FGD3: variants seen among roughly 807,000 people sequenced by gnomAD.
FGD3 encodes FYVE, RhoGEF and PH domain-containing protein 3.
In FGD3, 45 loss-of-function variants were observed where a neutral mutation model predicts 71.8. That is an observed-to-expected ratio of 0.63 (90% CI 0.49 to 0.80). FGD3 has a LOEUF of 0.80. Ranked by LOEUF, FGD3 falls within the 30% of genes least tolerant of loss-of-function variation. FGD3 has a pLI of 0.00. For missense variants in FGD3, 844 were observed against 951.5 expected, an observed-to-expected ratio of 0.89 and a Z score of 1.49; for synonymous variants, 378 against 392.8, an observed-to-expected ratio of 0.96 and a Z score of 0.44.
At chr9:92,954,483 C>CG (rs1859012590) in intron 1 of FGD3, among the ~76,000 whole-genome samples, 1 of 152,200 alleles carries the variant, frequency 6.6e-6, no homozygotes, top group Admixed American at 6.5e-5. Flanking sequence ...GCTCTGAGTC[C>CG]TGTGCCCGTG....
At chr9:92,997,038 C>CT (rs1860674575) in intron 3 of FGD3, among the ~76,000 whole-genome samples, 3 of 152,090 alleles carry the variant, frequency 2.0e-5, no homozygotes, top group South Asian at 4.2e-4. Context: ...TCCTTGTTAA[C>CT]TTTGTCTTGT....
chr9:92,999,532 C>T (rs962712946), intron 3 of FGD3, among the ~76,000 whole-genome samples: 7 of 151,430 alleles, frequency 4.6e-5, no homozygotes, highest in East Asian at 3.9e-4. Context: ...CCGTCTAATG[C>T]GTCGCTTATG....
Position 93,004,184 on chromosome 9 carries a change from A to G in FGD3, c.680+47A>G, listed in dbSNP as rs777830355. 4 of 1,607,068 alleles carry G rather than the reference A, an allele frequency of 2.5e-6. No homozygotes were observed. The Admixed American group carries it at 5.0e-5, about 20-fold the overall frequency. ...CCATGGGGCCCCTCAAGTGTTCTCT[A>G]GACCAGGGTTCATGTGCCTGAGAGC... On this transcript the variant is annotated intron_variant, in intron 5 of 17. Coordinates refer to ENST00000375482, the MANE Select transcript of FGD3 (RefSeq NM_001083536.2).
chr9:93,019,373 C>T (rs114229119), intron 11 of FGD3, among the ~76,000 whole-genome samples: 1,595 of 152,308 alleles, frequency 0.01, 30 homozygotes, highest in African/African-American at 0.036. Flanking sequence ...ATCACAAATG[C>T]GGCTGCAAGC....
chr9:93,017,886 G>A (rs367997000), intron 10 of FGD3, among the ~76,000 whole-genome samples: 1 of 152,164 alleles, frequency 6.6e-6, no homozygotes, highest in South Asian at 2.1e-4. Flanking sequence ...GGTCAGCAGA[G>A]TTCCAAGCAC....
intron 5 of FGD3, among the ~76,000 whole-genome samples, chr9:93,004,535 C>T (rs1021968666): frequency 1.3e-5 from 2 of 152,194 alleles, no homozygotes; most frequent in African/African-American, 4.8e-5. Context: ...GACCTCAGAT[C>T]CTCCTCCTGC....
chr9:93,001,089 G>A lies in FGD3; in HGVS notation c.454-1836G>A, dbSNP rs543296232. On this transcript the variant is annotated intron_variant, in intron 3 of 17. Transcript: ENST00000375482. ...GTCAAACCCCTCTTAAAAATTTGTC[G>A]GTTCAATTAAAGTGTATTTCAGCTC... 4.0e-5 allele frequency among the ~76,000 whole-genome samples: 6 copies of A among 151,630 alleles called. No homozygotes were observed. The East Asian group carries it at 5.8e-4, about 15-fold the overall frequency.
intron 3 of FGD3, among the ~76,000 whole-genome samples, chr9:92,987,516 A>G (rs891410279): frequency 1.3e-5 from 2 of 151,784 alleles, no homozygotes; most frequent in Non-Finnish European, 2.9e-5. Context: ...TAGCCCTACC[A>G]CTCTCATGAG....
intron 14 of FGD3, among the ~76,000 whole-genome samples, chr9:93,024,266 G>A (rs1433497830): frequency 6.6e-6 from 1 of 152,256 alleles, no homozygotes; most frequent in East Asian, 1.9e-4. Context: ...GCTGCCCACA[G>A]TGGACACACA....
intron 7 of FGD3, 140 bp downstream of exon 7, chr9:93,010,524 A>AGAG (rs1861280212): frequency 5.6e-6 from 5 of 886,038 alleles, no homozygotes; most frequent in Admixed American, 3.2e-5. Context: ...GGAAAGAGAC[A>AGAG]GAGACAGAGG....
At position 93,029,042 on chromosome 9, in the gene FGD3, C is replaced by T. The variant is rs543091463; in HGVS notation, c.1558-832C>T. Among the ~76,000 whole-genome samples the T allele has an allele frequency of 2.1e-3, 184 of 86,702 alleles. 2 individuals are homozygous for T. The highest frequency in any genetic ancestry group is 6.7e-3 in the African/African-American group (176 of 26,184). 56.9% of individuals were successfully genotyped at this position (86,702 alleles called of 152,430 possible). A position where few individuals can be genotyped will look rare whatever the true frequency, so the allele number is the denominator to read the frequency against. On this transcript the variant is annotated intron_variant, in intron 14 of 17. Coordinates refer to ENST00000375482, the MANE Select transcript of FGD3 (RefSeq NM_001083536.2). ...TTTTTTTTTTTTTTTTTTTTTGAGA[C>T]AGAATCTCGCTCTATAGCCCAGGCT...
chr9:93,028,943 C>A (rs1001350051), intron 14 of FGD3, among the ~76,000 whole-genome samples: 2 of 144,876 alleles, frequency 1.4e-5, no homozygotes, highest in Non-Finnish European at 3.0e-5. Context: ...GAGGAGGGTA[C>A]AGCCCCTGAC....
intron 1 of FGD3, among the ~76,000 whole-genome samples, chr9:92,972,901 A>C (rs1008234342): frequency 6.6e-6 from 1 of 152,124 alleles, no homozygotes; most frequent in Non-Finnish European, 1.5e-5. Context: ...TTGGTCTCAC[A>C]CTTCGTAGTT....
chr9:92,993,863 T>C (rs952075166), intron 3 of FGD3, among the ~76,000 whole-genome samples: 1 of 152,158 alleles, frequency 6.6e-6, no homozygotes, highest in African/African-American at 2.4e-5. Flanking sequence ...TCCAGTCTAT[T>C]ATTGATGGAC....
intron 3 of FGD3, among the ~76,000 whole-genome samples, chr9:93,000,877 T>C (rs752332555): frequency 2.2e-4 from 33 of 152,316 alleles, no homozygotes; most frequent in Admixed American, 7.8e-4. Context: ...AAATAAACTC[T>C]TTGCCCCTTT....
rs374142323 is a variant in FGD3, at chr9:93,018,195, G to C, written c.1335G>C (p.Arg445Ser). The change falls in exon 11 of 18, where the codon AGG becomes AGC. Residue 445 changes from arginine to serine, a missense_variant. Arg to Ser is a moderately radical substitution (Grantham distance 110). Coordinates refer to ENST00000375482, the MANE Select transcript of FGD3 (RefSeq NM_001083536.2). ...AHTFIITGRK[R>S]SLELQTRTEE... ...CATTCATCATAACAGGAAGAAAAAG[G>C]TCCCTGGAGCTGCAGACGCGGTATG... The C allele has an allele frequency of 2.5e-6, 4 of 1,614,126 alleles. No homozygotes were observed. Among genetic ancestry groups the C allele is most frequent in the Non-Finnish European group, 3.4e-6 (4 of 1,179,990 alleles).
At chr9:92,984,461 C>G (rs1267284054) in intron 3 of FGD3, among the ~76,000 whole-genome samples, 1 of 152,184 alleles carries the variant, frequency 6.6e-6, no homozygotes. Flanking sequence ...GAAGGGGGAG[C>G]AGACAAAGAG....
At chr9:92,999,687 G>A (rs567684301) in intron 3 of FGD3, among the ~76,000 whole-genome samples, 6 of 150,810 alleles carry the variant, frequency 4.0e-5, no homozygotes, top group South Asian at 2.1e-4. Flanking sequence ...TCCGCCTCCC[G>A]GGTTCAAGCG....
intron 1 of FGD3, among the ~76,000 whole-genome samples, chr9:92,957,029 C>G (rs1859066577): frequency 1.3e-5 from 2 of 152,104 alleles, no homozygotes; most frequent in Non-Finnish European, 2.9e-5. Flanking sequence ...CAGTGGCTTA[C>G]TCCTTTTTAT....
Sources: allele counts gnomAD v4.1 joint callset (sites outside exome capture counted in the v4.1 genomes callset), GRCh38; gene constraint gnomAD v4.1.1; transcripts MANE v1.5; gene names NCBI Gene and HGNC (gene_info 2026-07-23, HGNC 2026-07-21).